Variants in PPARGC1A observed in about 807,000 individuals in gnomAD.
The protein encoded by PPARGC1A is peroxisome proliferator-activated receptor gamma coactivator 1-alpha.
A neutral mutation model predicts 88.7 loss-of-function variants in PPARGC1A; 25 were observed. That is an observed-to-expected ratio of 0.28 (90% CI 0.21 to 0.39). The LOEUF (loss-of-function observed/expected upper bound fraction) is 0.39, where lower values mean the gene tolerates loss of function less well. Among genes scored for constraint, PPARGC1A ranks in the 10% least tolerant of loss-of-function variants. The pLI is 1.00. For missense variants in PPARGC1A, 880 were observed against 968.7 expected, an observed-to-expected ratio of 0.91 and a Z score of 1.22; for synonymous variants, 363 against 355.6, an observed-to-expected ratio of 1.02 and a Z score of -0.24.
chr4:24,326,189 G>C, the PPARGC1A span, among the ~76,000 whole-genome samples: 2 of 151,774 alleles, frequency 1.3e-5, no homozygotes, highest in East Asian at 1.9e-4. Context: ...TTACCCCGCT[G>C]AATGCCAATA....
At chr4:24,099,519 C>T in the PPARGC1A span, among the ~76,000 whole-genome samples, 18 of 152,146 alleles carry the variant, frequency 1.2e-4, no homozygotes, top group African/African-American at 4.3e-4. Flanking sequence ...AGGAGCCTTA[C>T]ACATGGCTAG....
the PPARGC1A span, among the ~76,000 whole-genome samples, chr4:24,104,977 A>T: frequency 1.3e-5 from 2 of 152,194 alleles, no homozygotes; most frequent in African/African-American, 4.8e-5. Flanking sequence ...CACTGGGCTG[A>T]TGTGCATATT....
At chr4:24,251,923 T>C in the PPARGC1A span, among the ~76,000 whole-genome samples, 1 of 146,188 alleles carries the variant, frequency 6.8e-6, no homozygotes. Context: ...CACACTGTAA[T>C]GTGACTATTA....
At chr4:24,103,029 A>C in the PPARGC1A span, among the ~76,000 whole-genome samples, 1 of 152,264 alleles carries the variant, frequency 6.6e-6, no homozygotes, top group African/African-American at 2.4e-5. Context: ...CCCTGGCCTC[A>C]CTGTTTGTTG....
At chr4:24,033,400 T>TAGAC in the PPARGC1A span, among the ~76,000 whole-genome samples, 28 of 105,246 alleles carry the variant, frequency 2.7e-4, no homozygotes, top group East Asian at 1.1e-3. Context: ...TACATAGATG[T>TAGAC]AGACAGACAG....
At chr4:24,210,375 A>G in the PPARGC1A span, among the ~76,000 whole-genome samples, 166 of 152,362 alleles carry the variant, frequency 1.1e-3, no homozygotes, top group South Asian at 1.7e-3. Flanking sequence ...TCAAAGGCTA[A>G]CATTCTAAAA....
At chr4:23,913,259 TATATATATAGAGAGAGAGAGAGAG>T in the PPARGC1A span, among the ~76,000 whole-genome samples, 38 of 49,008 alleles carry the variant, frequency 7.8e-4, no homozygotes, top group African/African-American at 2.1e-3. Flanking sequence ...TATATATATA[TATATATATAGAGAGAGAGAGAGAG>T]AGAGAGAGAG....
chr4:24,188,132 C>A, the PPARGC1A span, among the ~76,000 whole-genome samples: 21,366 of 152,068 alleles, frequency 0.14, 1,795 homozygotes, highest in African/African-American at 0.22. Flanking sequence ...ATTCCAAAGT[C>A]ATTAAAATTC....
the PPARGC1A span, among the ~76,000 whole-genome samples, chr4:24,179,651 A>C: frequency 1.3e-5 from 2 of 152,198 alleles, no homozygotes; most frequent in African/African-American, 2.4e-5. Context: ...AAAAGCATGC[A>C]TGAACCCAGA....
At chr4:24,025,050 C>A in the PPARGC1A span, among the ~76,000 whole-genome samples, 7 of 152,162 alleles carry the variant, frequency 4.6e-5, no homozygotes, top group African/African-American at 1.7e-4. Flanking sequence ...GCTAGAAACG[C>A]ACCCTGTTAC....
At chr4:24,444,017 A>C in the PPARGC1A span, among the ~76,000 whole-genome samples, 2 of 152,124 alleles carry the variant, frequency 1.3e-5, no homozygotes, top group African/African-American at 4.8e-5. Context: ...CAGCTTTGAG[A>C]GTAATTTCGT....
upstream of PPARGC1A, among the ~76,000 whole-genome samples, chr4:23,901,681 A>C (rs1719406518): frequency 6.6e-6 from 1 of 152,214 alleles, no homozygotes; most frequent in African/African-American, 2.4e-5. Flanking sequence ...ATGATATCTG[A>C]AATACACACA....
the PPARGC1A span, among the ~76,000 whole-genome samples, chr4:24,356,180 G>C: frequency 2.0e-5 from 3 of 148,542 alleles, no homozygotes; most frequent in East Asian, 5.9e-4. Flanking sequence ...CTGGGCGACA[G>C]AGCAAGACTC....
the PPARGC1A span, among the ~76,000 whole-genome samples, chr4:24,236,231 G>A: frequency 0.39 from 59,802 of 151,974 alleles, 12,369 homozygotes; most frequent in Middle Eastern, 0.52. Context: ...ATCTGATGCT[G>A]GGTGGGTCTT....
At chr4:24,179,738 G>C in the PPARGC1A span, among the ~76,000 whole-genome samples, 1 of 152,224 alleles carries the variant, frequency 6.6e-6, no homozygotes, top group African/African-American at 2.4e-5. Context: ...TAAATTTTGA[G>C]GTGATTTTTT....
the PPARGC1A span, among the ~76,000 whole-genome samples, chr4:24,059,937 A>G: frequency 6.8e-4 from 103 of 152,140 alleles, no homozygotes; most frequent in Non-Finnish European, 1.2e-3. Flanking sequence ...TCTGCTCTGG[A>G]AGGAATAAGT....
chr4:24,051,890 G>A, the PPARGC1A span, among the ~76,000 whole-genome samples: 1 of 147,440 alleles, frequency 6.8e-6, no homozygotes, highest in African/African-American at 2.5e-5. Context: ...AAGAAACTTG[G>A]TAAATGTGTC....
the PPARGC1A span, among the ~76,000 whole-genome samples, chr4:24,425,629 T>C: frequency 1.3e-5 from 2 of 152,282 alleles, no homozygotes; most frequent in Admixed American, 6.5e-5. Flanking sequence ...TGCATACATA[T>C]GTAAAAGAAG....
the PPARGC1A span, among the ~76,000 whole-genome samples, chr4:23,936,973 G>A: frequency 2.6e-5 from 4 of 152,016 alleles, no homozygotes; most frequent in Non-Finnish European, 4.4e-5. Flanking sequence ...AACATGACAG[G>A]CATAGGCTTC....
Sources: gnomAD v4.1 joint callset for allele counts (sites outside exome capture counted in the v4.1 genomes callset) on GRCh38, gnomAD v4.1.1 for gene constraint, MANE v1.5 for transcripts, NCBI Gene and HGNC (gene_info 2026-07-23, HGNC 2026-07-21) for gene names.